Variants in LRRC39 observed in about 807,000 individuals in gnomAD.
LRRC39 encodes leucine-rich repeat-containing protein 39.
Under a neutral mutation model 39.7 loss-of-function variants are expected in LRRC39, and 35 were observed. The observed-to-expected ratio is 0.88, with a 90% CI of 0.67 to 1.17. LRRC39 has a LOEUF of 1.17. Among genes scored for constraint, LRRC39 ranks in the 50% most tolerant of loss-of-function variants. The pLI is 0.00. For missense variants in LRRC39, 357 were observed against 385.8 expected, an observed-to-expected ratio of 0.93 and a Z score of 0.62; for synonymous variants, 113 against 134.1, an observed-to-expected ratio of 0.84 and a Z score of 1.09.
intron 3 of LRRC39, among the ~76,000 whole-genome samples, chr1:100,164,102 A>G (rs1659068439): frequency 6.6e-6 from 1 of 152,120 alleles, no homozygotes; most frequent in African/African-American, 2.4e-5. Flanking sequence ...TTGATTCTAC[A>G]AATTTTATTG....
chr1:100,178,944 C>T (rs11166411), upstream of LRRC39, among the ~76,000 whole-genome samples: 9,561 of 152,066 alleles, frequency 0.063, 439 homozygotes, highest in African/African-American at 0.12. Context: ...TATGAATTTA[C>T]GAGCTTAAAT....
At chr1:100,152,609 T>C (rs1658135118) in intron 8 of LRRC39, 85 bp from the exon 9 acceptor site, 1 of 1,385,696 alleles carries the variant, frequency 7.2e-7, no homozygotes, top group Middle Eastern at 1.9e-4. Flanking sequence ...AATGATAATA[T>C]ACTAAATTAC....
At chr1:100,174,104 A>C (rs1254693560) in intron 1 of LRRC39, among the ~76,000 whole-genome samples, 1 of 152,196 alleles carries the variant, frequency 6.6e-6, no homozygotes, top group African/African-American at 2.4e-5. Flanking sequence ...GACAATTCTA[A>C]GGATACAAAA....
chr1:100,165,973 CA>C (rs1310630042), intron 3 of LRRC39, among the ~76,000 whole-genome samples: 1 of 148,978 alleles, frequency 6.7e-6, no homozygotes, highest in Admixed American at 6.8e-5. Context: ...TTCCTGGGTT[CA>C]AGCAATTCTC....
In LRRC39 at chr1:100,152,433, C is replaced by G. The variant is rs1037441183; in HGVS notation, c.904G>C (p.Gly302Arg). ...TDEEEERELF[G>R]LQFMHTYIQE... ...ATGTATGTGTGCATAAACTGAAGGCCAAATAATTCCCGTTCCTCTTCTTCA... is the reference window on the plus strand; with the variant it reads ...ATGTATGTGTGCATAAACTGAAGGCGAAATAATTCCCGTTCCTCTTCTTCA... The change falls in exon 9 of 10, where the codon GGC becomes CGC. Residue 302 changes from glycine to arginine, a missense_variant. Physicochemically the swap from Gly to Arg is moderately radical, Grantham distance 125. Transcript: ENST00000370137. 1.2e-6 allele frequency: 2 copies of G among 1,613,580 alleles called. No homozygotes were observed. The highest frequency in any genetic ancestry group is 3.3e-4 in the Middle Eastern group (2 of 6,058).
intron 3 of LRRC39, among the ~76,000 whole-genome samples, chr1:100,162,100 G>A (rs1485537504): frequency 1.3e-5 from 2 of 152,014 alleles, no homozygotes; most frequent in Non-Finnish European, 2.9e-5. Flanking sequence ...TAGTGGGTGC[G>A]AATGGTATCC....
At chr1:100,163,798 C>T (rs921223549) in intron 3 of LRRC39, among the ~76,000 whole-genome samples, 15 of 152,054 alleles carry the variant, frequency 9.9e-5, no homozygotes, top group Middle Eastern at 3.2e-3. Context: ...TGAGGCCGGG[C>T]GTGGTGGCTC....
upstream of LRRC39, among the ~76,000 whole-genome samples, chr1:100,179,637 T>C (rs188410798): frequency 2.2e-3 from 331 of 149,956 alleles, 1 homozygote; most frequent in Non-Finnish European, 3.9e-3. Flanking sequence ...CTTGGGAGAC[T>C]GAGGTGGGAG....
At chr1:100,158,401 G>A (rs373579306) in intron 5 of LRRC39, 34 bp from the exon 6 acceptor site, 41 of 1,562,520 alleles carry the variant, frequency 2.6e-5, no homozygotes, top group Middle Eastern at 1.7e-4. Context: ...AGAGGAGTTG[G>A]ATATAAAATA....
At chr1:100,170,880 CAATT>C (rs1195801458) in intron 2 of LRRC39, among the ~76,000 whole-genome samples, 1 of 151,948 alleles carries the variant, frequency 6.6e-6, no homozygotes, top group African/African-American at 2.4e-5. Context: ...TCTGGCTAAT[CAATT>C]AAATTTTTTG....
intron 2 of LRRC39, among the ~76,000 whole-genome samples, chr1:100,171,563 C>T (rs1368230575): frequency 3.5e-5 from 5 of 143,054 alleles, no homozygotes; most frequent in Admixed American, 3.0e-4. Flanking sequence ...AGTGCAGAGG[C>T]GTGATCTCGG....
At chr1:100,169,686 C>T (rs1435745748) in intron 2 of LRRC39, among the ~76,000 whole-genome samples, 2 of 151,982 alleles carry the variant, frequency 1.3e-5, no homozygotes, top group African/African-American at 2.4e-5. Context: ...CACAGTTTAT[C>T]CATTCTAATG....
chr1:100,175,528 A>T (rs1048228327), intron 1 of LRRC39, among the ~76,000 whole-genome samples: 6 of 152,086 alleles, frequency 3.9e-5, no homozygotes, highest in African/African-American at 1.4e-4. Context: ...CCTAACACAG[A>T]TTGATAAAGT....
intron 3 of LRRC39, among the ~76,000 whole-genome samples, chr1:100,161,377 A>T (rs1658863237): frequency 6.6e-6 from 1 of 152,018 alleles, no homozygotes; most frequent in Non-Finnish European, 1.5e-5. Context: ...TGCTTATTTC[A>T]CTTAGCATCG....
chr1:100,151,290 CT>C (rs1448188348), intron 9 of LRRC39, among the ~76,000 whole-genome samples: 1 of 152,068 alleles, frequency 6.6e-6, no homozygotes, highest in Non-Finnish European at 1.5e-5. Flanking sequence ...TGTAAACTCC[CT>C]TTTCTCATCT....
chr1:100,164,694 T>G (rs1035939810), intron 3 of LRRC39, among the ~76,000 whole-genome samples: 1 of 152,152 alleles, frequency 6.6e-6, no homozygotes, highest in Non-Finnish European at 1.5e-5. Flanking sequence ...TGTTTATTTA[T>G]TAATTTTTTT....
chr1:100,171,458 C>T (rs1659591631), intron 2 of LRRC39, among the ~76,000 whole-genome samples: 1 of 150,626 alleles, frequency 6.6e-6, no homozygotes, highest in African/African-American at 2.4e-5. Context: ...GAAAAAAAGC[C>T]TATATTATTT....
Position 100,148,572 on chromosome 1 carries a change from T to A in LRRC39, c.*470A>T, listed in dbSNP as rs1657594405. The A allele has an allele frequency of 2.0e-6, 3 of 1,504,038 alleles. No homozygotes were observed. The highest frequency in any genetic ancestry group is 2.7e-6 in the Non-Finnish European group (3 of 1,103,704). The allele number at this position is 1,504,038 out of a possible 1,614,324, so 93.2% of individuals were successfully genotyped here. On this transcript the variant is annotated 3_prime_UTR_variant, in exon 10 of 10. Coordinates refer to ENST00000370137, the MANE Select transcript of LRRC39 (RefSeq NM_144620.4). The stretch of plus-strand genomic sequence containing the variant: ...ATAAATAGTGACAAAAATAATTTTT[T>A]ATAAACTTTTGCAAAATTTTAACAA...
At chr1:100,164,516 C>T (rs1486151053) in intron 3 of LRRC39, among the ~76,000 whole-genome samples, 1 of 152,138 alleles carries the variant, frequency 6.6e-6, no homozygotes, top group Non-Finnish European at 1.5e-5. Context: ...TTGAGAAACA[C>T]TGGTCTATTT....
Sources: allele counts gnomAD v4.1 joint callset (sites outside exome capture counted in the v4.1 genomes callset), GRCh38; gene constraint gnomAD v4.1.1; transcripts MANE v1.5; gene names NCBI Gene and HGNC (gene_info 2026-07-23, HGNC 2026-07-21).